Variants in SGCD observed in about 807,000 individuals in gnomAD.
SGCD encodes the protein delta-sarcoglycan.
Under a neutral mutation model 36.6 loss-of-function variants are expected in SGCD, and 18 were observed. The observed-to-expected ratio is 0.49, with a 90% CI of 0.34 to 0.73. The LOEUF (loss-of-function observed/expected upper bound fraction) is 0.73. Among genes scored for constraint, SGCD ranks in the 30% least tolerant of loss-of-function variants. The probability of loss-of-function intolerance (pLI) is 0.01; values close to 1 mark genes in which losing one functional copy is unlikely to be tolerated. For missense variants in SGCD, 387 were observed against 346.7 expected, an observed-to-expected ratio of 1.12 and a Z score of -0.92; for synonymous variants, 133 against 130.6, an observed-to-expected ratio of 1.02 and a Z score of -0.12.
chr5:156,546,868 C>T (rs1581149632), intron 4 of SGCD, among the ~76,000 whole-genome samples: 1 of 151,954 alleles, frequency 6.6e-6, no homozygotes, highest in South Asian at 2.1e-4. Context: ...GGAGAGGGAG[C>T]TTAGAGGTAA....
intron 3 of SGCD, among the ~76,000 whole-genome samples, chr5:156,493,964 C>G (rs1023431256): frequency 2.6e-5 from 4 of 152,132 alleles, no homozygotes; most frequent in African/African-American, 9.7e-5. Context: ...GCTATGGGTC[C>G]TCTTTTCTTT....
the SGCD span, among the ~76,000 whole-genome samples, chr5:155,837,423 G>T: frequency 0.063 from 9,572 of 152,242 alleles, 544 homozygotes; most frequent in African/African-American, 0.15. Context: ...CTCCTGAAGT[G>T]CTGGGATTAC....
chr5:156,355,502 G>A (rs761570195), intron 3 of SGCD, among the ~76,000 whole-genome samples: 3 of 151,438 alleles, frequency 2.0e-5, no homozygotes, highest in Admixed American at 1.3e-4. Context: ...TTGCCTGGGA[G>A]GAGCAAGGTG....
intron 3 of SGCD, among the ~76,000 whole-genome samples, chr5:156,237,505 G>A (rs1415758193): frequency 6.6e-6 from 1 of 152,044 alleles, no homozygotes; most frequent in Non-Finnish European, 1.5e-5. Flanking sequence ...TGGGCCTGTA[G>A]TCCCACCTAC....
intron 1 of SGCD, among the ~76,000 whole-genome samples, chr5:155,916,222 G>A (rs929474330): frequency 6.6e-6 from 1 of 152,096 alleles, no homozygotes; most frequent in Non-Finnish European, 1.5e-5. Flanking sequence ...TTTTCATTAA[G>A]AGGGTTTTAG....
the SGCD span, among the ~76,000 whole-genome samples, chr5:155,751,532 A>G: frequency 6.6e-6 from 1 of 152,102 alleles, no homozygotes; most frequent in Non-Finnish European, 1.5e-5. Flanking sequence ...GACTACAGGC[A>G]CATACCACCA....
At chr5:156,315,195 A>G (rs1381953231) in intron 3 of SGCD, among the ~76,000 whole-genome samples, 2 of 151,520 alleles carry the variant, frequency 1.3e-5, no homozygotes, top group African/African-American at 2.4e-5. Context: ...TCTTTCACCA[A>G]TATCTCTCCT....
At chr5:156,463,257 T>C (rs1754568880) in intron 3 of SGCD, among the ~76,000 whole-genome samples, 1 of 152,158 alleles carries the variant, frequency 6.6e-6, no homozygotes, top group South Asian at 2.1e-4. Context: ...TTAGCCAGGA[T>C]GGTCTCGATC....
At chr5:156,686,503 A>G (rs1280264252) in intron 7 of SGCD, among the ~76,000 whole-genome samples, 2 of 152,162 alleles carry the variant, frequency 1.3e-5, no homozygotes, top group Non-Finnish European at 2.9e-5. Flanking sequence ...ACCCTGATGG[A>G]TAGTCTCTCT....
chr5:156,704,622 T>A (rs1362325681), intron 7 of SGCD, among the ~76,000 whole-genome samples: 1 of 152,150 alleles, frequency 6.6e-6, no homozygotes, highest in African/African-American at 2.4e-5. Flanking sequence ...AGAAATTATA[T>A]ATAAAAATAT....
intron 3 of SGCD, among the ~76,000 whole-genome samples, chr5:156,182,480 A>G (rs929701147): frequency 2.6e-5 from 4 of 152,106 alleles, no homozygotes; most frequent in African/African-American, 9.7e-5. Flanking sequence ...AGTCCCAGCT[A>G]CTCGGGAGGC....
At chr5:155,978,705 G>C (rs1240745824) in intron 1 of SGCD, among the ~76,000 whole-genome samples, 1 of 151,972 alleles carries the variant, frequency 6.6e-6, no homozygotes, top group Non-Finnish European at 1.5e-5. Flanking sequence ...TAAAACAATA[G>C]AAACTGTTAG....
rs73813242 is a variant in SGCD, at chr5:156,120,404, G to A, written c.-208+2453G>A. On this transcript the variant is annotated intron_variant, in intron 2 of 9. Transcript: ENST00000517913. ...ACTTGAGATAATCAACAAATTTGTA[G>A]GAATTTGTCATGTCTACTCATATCT... Among the ~76,000 whole-genome samples, 1,350 of 152,200 alleles carry A rather than the reference G, an allele frequency of 8.9e-3. 18 individuals carry two copies. The highest frequency in any genetic ancestry group is 0.031 in the African/African-American group (1,300 of 41,520).
the SGCD span, among the ~76,000 whole-genome samples, chr5:155,818,880 CT>C: frequency 4.0e-5 from 6 of 151,378 alleles, no homozygotes; most frequent in African/African-American, 1.5e-4. Context: ...CCACTTCCAA[CT>C]TTTTTTTTGA....
the SGCD span, among the ~76,000 whole-genome samples, chr5:155,757,341 T>G: frequency 6.6e-6 from 1 of 152,220 alleles, no homozygotes; most frequent in African/African-American, 2.4e-5. Context: ...TAATTCTTGC[T>G]ATAGCCCTGC....
intron 1 of SGCD, among the ~76,000 whole-genome samples, chr5:156,073,157 A>G (rs1760639655): frequency 6.6e-6 from 1 of 152,130 alleles, no homozygotes; most frequent in Non-Finnish European, 1.5e-5. Context: ...TTCTAGTTTC[A>G]TGAATGAAAT....
chr5:156,283,512 T>C (rs1462419446), intron 3 of SGCD, among the ~76,000 whole-genome samples: 1 of 152,204 alleles, frequency 6.6e-6, no homozygotes, highest in Non-Finnish European at 1.5e-5. Context: ...ATGAGCATTT[T>C]ATTACACCAT....
intron 3 of SGCD, among the ~76,000 whole-genome samples, chr5:156,433,252 A>G (rs1753099817): frequency 6.6e-6 from 1 of 152,138 alleles, no homozygotes; most frequent in Non-Finnish European, 1.5e-5. Flanking sequence ...ACAGACCCTA[A>G]TGCTTCCAGA....
intron 3 of SGCD, among the ~76,000 whole-genome samples, chr5:156,310,951 C>T (rs2127690340): frequency 6.6e-6 from 1 of 152,192 alleles, no homozygotes; most frequent in Admixed American, 6.5e-5. Flanking sequence ...GAGGAAGCTT[C>T]CCAGAAGTGT....
Sources: gnomAD v4.1 joint callset for allele counts (sites outside exome capture counted in the v4.1 genomes callset) on GRCh38, gnomAD v4.1.1 for gene constraint, MANE v1.5 for transcripts, NCBI Gene and HGNC (gene_info 2026-07-23, HGNC 2026-07-21) for gene names.